Variants in ADGRL2 observed in about 807,000 individuals in gnomAD.
ADGRL2 encodes calcium-independent alpha-latrotoxin receptor 2.
In ADGRL2, 44 loss-of-function variants were observed where a neutral mutation model predicts 157.4. The observed-to-expected ratio is 0.28, with a 90% confidence interval of 0.22 to 0.36. The LOEUF is 0.36. Among genes scored for constraint, ADGRL2 ranks in the 10% least tolerant of loss-of-function variants. ADGRL2 has a pLI of 1.00. For missense variants in ADGRL2, 1,510 were observed against 1,768.9 expected, an observed-to-expected ratio of 0.85 and a Z score of 2.63; for synonymous variants, 585 against 624.7, an observed-to-expected ratio of 0.94 and a Z score of 0.95.
At chr1:81,381,351 C>G (rs190470610) in intron 1 of ADGRL2, among the ~76,000 whole-genome samples, 2 of 151,888 alleles carry the variant, frequency 1.3e-5, no homozygotes, top group Admixed American at 6.6e-5. Context: ...TAATCTTATT[C>G]CTCATTTTCA....
intron 2 of ADGRL2, among the ~76,000 whole-genome samples, chr1:81,543,562 G>A (rs1213961901): frequency 1.3e-5 from 2 of 152,042 alleles, no homozygotes; most frequent in Non-Finnish European, 2.9e-5. Context: ...TTTATTTCTG[G>A]TTACTTCTTA....
chr1:81,774,437 G>C (rs2086496169), intron 2 of ADGRL2, among the ~76,000 whole-genome samples: 1 of 152,138 alleles, frequency 6.6e-6, no homozygotes. Context: ...TGGAGTCCAT[G>C]GTTCCCAAAC....
At chr1:81,777,511 C>T (rs763551308) in intron 2 of ADGRL2, among the ~76,000 whole-genome samples, 14 of 152,184 alleles carry the variant, frequency 9.2e-5, no homozygotes, top group Non-Finnish European at 2.1e-4. Flanking sequence ...TGGCTCACAC[C>T]TGTAATCCCA....
chr1:81,412,122 C>A (rs1445389534), intron 1 of ADGRL2, among the ~76,000 whole-genome samples: 1 of 152,112 alleles, frequency 6.6e-6, no homozygotes, highest in Admixed American at 6.5e-5. Flanking sequence ...TATACAGTTA[C>A]TATCCCCGGT....
intron 3 of ADGRL2, among the ~76,000 whole-genome samples, chr1:81,651,635 A>G (rs1368329795): frequency 6.6e-6 from 1 of 152,190 alleles, no homozygotes; most frequent in Non-Finnish European, 1.5e-5. Flanking sequence ...CTTTAGACCT[A>G]GAGGAGGTTC....
chr1:81,728,011 G>A (rs1330779079), intron 1 of ADGRL2, among the ~76,000 whole-genome samples: 9 of 152,096 alleles, frequency 5.9e-5, no homozygotes. Flanking sequence ...TGTTCAATGA[G>A]CAAGTGACTA....
chr1:81,731,076 A>T (rs2084707504), intron 1 of ADGRL2, among the ~76,000 whole-genome samples: 1 of 152,196 alleles, frequency 6.6e-6, no homozygotes, highest in Non-Finnish European at 1.5e-5. Flanking sequence ...TTGAAAGATT[A>T]TTAACTAGGC....
chr1:81,512,104 T>G (rs1288620793), intron 2 of ADGRL2, among the ~76,000 whole-genome samples: 1 of 152,176 alleles, frequency 6.6e-6, no homozygotes, highest in East Asian at 1.9e-4. Flanking sequence ...TATGTGAGCC[T>G]GTAGGCTGCT....
intron 2 of ADGRL2, 55 bp from the exon 3 acceptor site, chr1:81,906,962 A>G: frequency 3.6e-6 from 5 of 1,384,890 alleles, no homozygotes; most frequent in Non-Finnish European, 5.0e-6. Context: ...CTTTACTAAA[A>G]TAATTTATCT....
intron 2 of ADGRL2, among the ~76,000 whole-genome samples, chr1:81,496,895 T>C (rs566254222): frequency 1.3e-5 from 2 of 152,046 alleles, no homozygotes; most frequent in Non-Finnish European, 2.9e-5. Context: ...GAAAACAATA[T>C]ATTTTTTTTC....
intron 3 of ADGRL2, among the ~76,000 whole-genome samples, chr1:81,605,661 T>C (rs959213308): frequency 6.6e-6 from 1 of 152,180 alleles, no homozygotes; most frequent in Non-Finnish European, 1.5e-5. Context: ...AGCATCCACT[T>C]TGTGAGCTAG....
chr1:81,749,939 G>A (rs1557619341), intron 1 of ADGRL2, among the ~76,000 whole-genome samples: 1 of 152,088 alleles, frequency 6.6e-6, no homozygotes, highest in Non-Finnish European at 1.5e-5. Flanking sequence ...TTGATTAATT[G>A]AGAACTGCAG....
At chr1:81,628,463 T>C (rs1570678031) in intron 3 of ADGRL2, among the ~76,000 whole-genome samples, 1 of 152,162 alleles carries the variant, frequency 6.6e-6, no homozygotes, top group African/African-American at 2.4e-5. Flanking sequence ...AAATCAACAT[T>C]TACTAAGTGT....
rs1165478663 is a variant in ADGRL2, at chr1:81,823,537, T to C, written c.-100-13348T>C. 2.0e-5 allele frequency among the ~76,000 whole-genome samples: 3 copies of C among 152,044 alleles called. No homozygotes were observed. In the East Asian group the frequency reaches 5.8e-4, roughly 29 times the overall value. On this transcript the variant is annotated intron_variant, in intron 1 of 23. Coordinates refer to ENST00000686636, the MANE Select transcript of ADGRL2 (RefSeq NM_001366006.2). Reference sequence around the variant, plus strand: ...ACTCACTGGTAAGGTAGCACTGAAGTGATAGACATGAAAGCCATCTTTCAT... The same window carrying C: ...ACTCACTGGTAAGGTAGCACTGAAGCGATAGACATGAAAGCCATCTTTCAT...
intron 3 of ADGRL2, 127 bp from the exon 4 acceptor site, chr1:81,936,601 C>T: frequency 1.9e-6 from 1 of 519,376 alleles, no homozygotes; most frequent in Non-Finnish European, 3.4e-6. Context: ...AGTAACTTAA[C>T]ATCACTTGAA....
At chr1:81,704,697 A>G (rs1455482674) in intron 1 of ADGRL2, among the ~76,000 whole-genome samples, 1 of 152,226 alleles carries the variant, frequency 6.6e-6, no homozygotes, top group Non-Finnish European at 1.5e-5. Context: ...TGTGGCAAAT[A>G]GAGAATGTTG....
Position 81,481,464 on chromosome 1 carries a change from A to T in ADGRL2, c.-248+36375A>T, listed in dbSNP as rs546222402. On this transcript the variant is annotated intron_variant, in intron 2 of 24. Transcript: ENST00000370721. ...TCCCTTGTAAGATTGCAGGGATGAG[A>T]TGTGGCCCTCGGCGCAGAAGCTCCC... Among the ~76,000 whole-genome samples, 17 of 152,268 alleles carry T rather than the reference A, an allele frequency of 1.1e-4. No homozygotes were observed. In the East Asian group the frequency reaches 3.3e-3, roughly 29 times the overall value.
At chr1:81,791,011 G>T (rs921339618) in intron 2 of ADGRL2, among the ~76,000 whole-genome samples, 4 of 139,424 alleles carry the variant, frequency 2.9e-5, no homozygotes, top group African/African-American at 8.1e-5. Flanking sequence ...AGGTTATGGT[G>T]AGCTGAGATG....
chr1:81,722,846 GA>G (rs201225022), intron 1 of ADGRL2: 61,798 of 704,636 alleles, frequency 0.088, 2,994 homozygotes, highest in Non-Finnish European at 0.097. Context: ...TTTCCTGGGG[GA>G]AATGCCTGGT....
Sources: allele counts gnomAD v4.1 joint callset (sites outside exome capture counted in the v4.1 genomes callset), GRCh38; gene constraint gnomAD v4.1.1; transcripts MANE v1.5; gene names NCBI Gene and HGNC (gene_info 2026-07-23, HGNC 2026-07-21).